Variants in SLC9A9 observed in about 807,000 individuals in gnomAD.
SLC9A9 encodes solute carrier family 9 member A9, also known as sodium/hydrogen exchanger 9.
Under a neutral mutation model 77.8 loss-of-function variants are expected in SLC9A9, and 62 were observed. The ratio of observed to expected loss-of-function variants is 0.80; its 90% CI spans 0.65 to 0.98. The LOEUF is 0.98. Among genes scored for constraint, SLC9A9 ranks in the 50% least tolerant of loss-of-function variants. The pLI is 0.00. For missense variants in SLC9A9, 775 were observed against 774.9 expected, an observed-to-expected ratio of 1.00 and a Z score of 0.00; for synonymous variants, 320 against 283.5, an observed-to-expected ratio of 1.13 and a Z score of -1.29.
At chr3:143,336,436 C>T (rs2031926825) in intron 14 of SLC9A9, among the ~76,000 whole-genome samples, 1 of 152,150 alleles carries the variant, frequency 6.6e-6, no homozygotes, top group Admixed American at 6.5e-5. Flanking sequence ...GATATTTGCA[C>T]ACCGGTGTTC....
intron 2 of SLC9A9, among the ~76,000 whole-genome samples, chr3:143,810,972 T>G (rs1343996952): frequency 6.6e-6 from 1 of 152,094 alleles, no homozygotes; most frequent in Non-Finnish European, 1.5e-5. Context: ...GAAATTTTGA[T>G]GTTGAAGCAG....
At chr3:143,696,213 C>G (rs539040476) in intron 4 of SLC9A9, among the ~76,000 whole-genome samples, 12 of 152,288 alleles carry the variant, frequency 7.9e-5, no homozygotes, top group African/African-American at 2.9e-4. Flanking sequence ...GTCATGAAGT[C>G]TTTGCCCATG....
chr3:143,467,754 A>AGAGAGAGAGAGAGAGG (rs2035309895), intron 11 of SLC9A9, among the ~76,000 whole-genome samples: 1 of 151,796 alleles, frequency 6.6e-6, no homozygotes, highest in African/African-American at 2.4e-5. Context: ...AGAGAGAGAG[A>AGAGAGAGAGAGAGAGG]GAGACAGAAA....
chr3:143,371,487 C>G (rs2108490421), intron 13 of SLC9A9, among the ~76,000 whole-genome samples: 1 of 152,224 alleles, frequency 6.6e-6, no homozygotes, highest in Middle Eastern at 3.4e-3. Flanking sequence ...CATAGCATAT[C>G]ATAACAACTG....
intron 9 of SLC9A9, among the ~76,000 whole-genome samples, chr3:143,522,914 G>A (rs2036336845): frequency 6.6e-6 from 1 of 152,122 alleles, no homozygotes; most frequent in Non-Finnish European, 1.5e-5. Flanking sequence ...AGAAGAGACA[G>A]GGTCTGCTAA....
intron 1 of SLC9A9, among the ~76,000 whole-genome samples, chr3:143,846,519 T>A (rs1033945512): frequency 6.6e-6 from 1 of 152,072 alleles, no homozygotes; most frequent in Non-Finnish European, 1.5e-5. Flanking sequence ...GATTGTGATT[T>A]TTTTTTTCTC....
intron 2 of SLC9A9, among the ~76,000 whole-genome samples, chr3:143,827,172 T>C (rs528377435): frequency 1.3e-5 from 2 of 152,352 alleles, no homozygotes; most frequent in South Asian, 4.1e-4. Flanking sequence ...TCCTAAATAT[T>C]ACATAACAAA....
At position 143,382,042 on chromosome 3, in the gene SLC9A9, T is replaced by C. The variant is rs759045928; in HGVS notation, c.1524+18A>G. 2 of 1,614,000 alleles carry C rather than the reference T, an allele frequency of 1.2e-6. No individual in the cohort carries two copies. The highest frequency in any genetic ancestry group is 1.7e-6 in the Non-Finnish European group (2 of 1,179,860). ...CAATCATATCTCTATATAATGTGCA[T>C]TGGTTTCTTTGACTTGCCTGGTGTT... On this transcript the variant is annotated intron_variant, in intron 13 of 15. Transcript: ENST00000316549.
intron 4 of SLC9A9, among the ~76,000 whole-genome samples, chr3:143,706,029 G>GAACAC (rs1293238922): frequency 6.6e-6 from 1 of 152,154 alleles, no homozygotes; most frequent in Non-Finnish European, 1.5e-5. Flanking sequence ...GCTTTGAGAG[G>GAACAC]AACACAGCGT....
intron 9 of SLC9A9, among the ~76,000 whole-genome samples, chr3:143,497,495 T>C (rs1333819860): frequency 6.6e-6 from 1 of 152,198 alleles, no homozygotes; most frequent in Non-Finnish European, 1.5e-5. Context: ...ACAAGTTTAA[T>C]GCAGGGAATG....
intron 1 of SLC9A9, among the ~76,000 whole-genome samples, chr3:143,839,171 TA>T (rs967333217): frequency 2.6e-5 from 4 of 152,018 alleles, no homozygotes; most frequent in Non-Finnish European, 5.9e-5. Flanking sequence ...CCTTTTAAAT[TA>T]AAAAAACTAA....
At chr3:143,654,441 A>G (rs1197384520) in intron 5 of SLC9A9, among the ~76,000 whole-genome samples, 2 of 152,234 alleles carry the variant, frequency 1.3e-5, no homozygotes, top group African/African-American at 4.8e-5. Context: ...TCTGCTTTTT[A>G]CTAGCATGCA....
At chr3:143,545,711 C>T (rs568236733) in intron 9 of SLC9A9, among the ~76,000 whole-genome samples, 1 of 152,276 alleles carries the variant, frequency 6.6e-6, no homozygotes, top group East Asian at 1.9e-4. Context: ...AAGCATTCAG[C>T]CCTCAGTATG....
At chr3:143,652,007 A>C (rs1424204859) in intron 6 of SLC9A9, among the ~76,000 whole-genome samples, 5 of 152,212 alleles carry the variant, frequency 3.3e-5, no homozygotes. Flanking sequence ...AATCAGCTAA[A>C]TATATGCACT....
rs1182679066 is a variant in SLC9A9 at position 143,363,543 on chromosome 3, T to C, written c.1545A>G (p.Lys515=). 1 of 1,612,962 alleles carries C rather than the reference T, an allele frequency of 6.2e-7. No homozygotes were observed. Among genetic ancestry groups the C allele is most frequent in the East Asian group, 2.2e-5 (1 of 44,828 alleles). The change falls in exon 14 of 16, where the codon AAA becomes AAG. Residue 515 remains lysine (K), a synonymous_variant. Coordinates refer to ENST00000316549, the MANE Select transcript of SLC9A9 (RefSeq NM_173653.4). ...GAGCACTCTCTGCTTTCGTCATGTT[T>C]TTATCCAAGTTATTTGCTTCCTGGG... ...SQHQEANNLD[K]NMTKAESARL... is the part of the protein sequence containing the mutation.
chr3:143,442,067 A>C (rs1326571673), intron 12 of SLC9A9, among the ~76,000 whole-genome samples: 1 of 152,060 alleles, frequency 6.6e-6, no homozygotes, highest in Non-Finnish European at 1.5e-5. Flanking sequence ...CCACCCACTC[A>C]TCAATCCAAC....
intron 12 of SLC9A9, among the ~76,000 whole-genome samples, chr3:143,386,600 T>TA (rs1411753632): frequency 3.3e-5 from 5 of 152,248 alleles, no homozygotes; most frequent in African/African-American, 1.2e-4. Context: ...TGTTAGCAGC[T>TA]ATTATTGATA....
intron 1 of SLC9A9, among the ~76,000 whole-genome samples, chr3:143,842,230 AG>A (rs1212342362): frequency 1.3e-5 from 2 of 152,142 alleles, no homozygotes; most frequent in African/African-American, 2.4e-5. Context: ...AACACAAAAA[AG>A]TTAGCCAGGC....
intron 14 of SLC9A9, among the ~76,000 whole-genome samples, chr3:143,323,832 C>G (rs143376964): frequency 6.6e-6 from 1 of 152,014 alleles, no homozygotes; most frequent in Non-Finnish European, 1.5e-5. Context: ...TTTTTTCCCT[C>G]AACATACAGC....
Sources: gnomAD v4.1 joint callset for allele counts (sites outside exome capture counted in the v4.1 genomes callset) on GRCh38, gnomAD v4.1.1 for gene constraint, MANE v1.5 for transcripts, NCBI Gene and HGNC (gene_info 2026-07-23, HGNC 2026-07-21) for gene names.